NCAM2: variants seen among roughly 807,000 people sequenced by gnomAD.
The protein encoded by NCAM2 is N-CAM-2.
In NCAM2, 30 loss-of-function variants were observed where a neutral mutation model predicts 98.1. The observed-to-expected ratio is 0.31, with a 90% CI of 0.23 to 0.41. The LOEUF is 0.41. Among genes scored for constraint, NCAM2 ranks in the 10% least tolerant of loss-of-function variants. NCAM2 has a pLI of 1.00. For synonymous variants in NCAM2, 368 were observed against 342.4 expected (o/e 1.07, Z -0.83); for missense variants, 867 against 1,005.8 (o/e 0.86, Z 1.87).
chr21:21,190,558 A>G (rs1453337274), intron 1 of NCAM2, among the ~76,000 whole-genome samples: 1 of 152,178 alleles, frequency 6.6e-6, no homozygotes, highest in Non-Finnish European at 1.5e-5. Context: ...CTAACAATAC[A>G]CTTGGAAGGA....
chr21:21,411,069 T>TATAC (rs1279301831), intron 10 of NCAM2, among the ~76,000 whole-genome samples: 1,911 of 32,788 alleles, frequency 0.058, 315 homozygotes, highest in East Asian at 0.27. Context: ...TATATATATA[T>TATAC]ACACACACAT....
intron 1 of NCAM2, among the ~76,000 whole-genome samples, chr21:21,190,123 G>C (rs1250642585): frequency 6.6e-6 from 1 of 152,130 alleles, no homozygotes; most frequent in African/African-American, 2.4e-5. Flanking sequence ...GGGAAGAAGG[G>C]ACTTGATTTA....
chr21:21,058,123 A>G (rs1295171709), intron 1 of NCAM2, among the ~76,000 whole-genome samples: 2 of 137,470 alleles, frequency 1.5e-5, no homozygotes, highest in Non-Finnish European at 3.1e-5. Context: ...AGAATGTGCC[A>G]AAGTGGGCCC....
At chr21:21,380,971 C>T (rs948210814) in intron 9 of NCAM2, among the ~76,000 whole-genome samples, 1 of 152,140 alleles carries the variant, frequency 6.6e-6, no homozygotes, top group Non-Finnish European at 1.5e-5. Flanking sequence ...TACGCTAGCC[C>T]TCTTATGCTT....
intron 12 of NCAM2, among the ~76,000 whole-genome samples, chr21:21,461,073 A>G (rs541604950): frequency 1.5e-4 from 23 of 152,030 alleles, no homozygotes; most frequent in African/African-American, 5.1e-4. Context: ...TGAATATTTT[A>G]TAAAAATCTA....
intron 1 of NCAM2, among the ~76,000 whole-genome samples, chr21:21,209,207 T>C (rs1022507929): frequency 2.6e-5 from 4 of 151,966 alleles, no homozygotes; most frequent in Admixed American, 6.6e-5. Flanking sequence ...GATAATGGGT[T>C]TAGCTTGGGT....
At chr21:21,393,596 G>A (rs994769703) in intron 9 of NCAM2, among the ~76,000 whole-genome samples, 5 of 151,902 alleles carry the variant, frequency 3.3e-5, no homozygotes, top group African/African-American at 9.7e-5. Context: ...TTGGATATAT[G>A]CAGGTTTGTT....
rs927420070 is a variant in NCAM2, at chr21:21,081,001, G to A, written c.55+82383G>A. Reference sequence around the variant, plus strand: ...AGGCGACTTGAGAGATCAAGTGCACGGTTTGACCTTTTGACTTGGAGTTTT... The same window carrying A: ...AGGCGACTTGAGAGATCAAGTGCACAGTTTGACCTTTTGACTTGGAGTTTT... On this transcript the variant is annotated intron_variant, in intron 1 of 17. Coordinates refer to ENST00000400546, the MANE Select transcript of NCAM2 (RefSeq NM_004540.5). Among the ~76,000 whole-genome samples, 7 of 152,186 alleles carry A rather than the reference G, an allele frequency of 4.6e-5. No homozygotes were observed. In the South Asian group the frequency reaches 6.2e-4, roughly 14 times the overall value.
At chr21:21,305,601 T>A (rs961865971) in intron 5 of NCAM2, among the ~76,000 whole-genome samples, 6 of 172 alleles carry the variant, frequency 0.035, no homozygotes, top group African/African-American at 0.048. Context: ...ATTACTGAGT[T>A]TTTTTTATCA....
intron 6 of NCAM2, 94 bp downstream of exon 6, chr21:21,324,594 C>A: frequency 2.2e-6 from 2 of 910,864 alleles, no homozygotes; most frequent in Non-Finnish European, 1.7e-6. Context: ...AAAAGCAAAC[C>A]ATTGCATTTT....
chr21:21,182,199 T>C (rs560942813), intron 1 of NCAM2, among the ~76,000 whole-genome samples: 2 of 152,254 alleles, frequency 1.3e-5, no homozygotes, highest in South Asian at 4.1e-4. Flanking sequence ...AACAAATATA[T>C]TTTAACTGGT....
chr21:21,080,424 C>G (rs2065768641), intron 1 of NCAM2, among the ~76,000 whole-genome samples: 1 of 151,882 alleles, frequency 6.6e-6, no homozygotes, highest in African/African-American at 2.4e-5. Context: ...CAGGACCAGC[C>G]TGACCAACAT....
At position 21,509,609 on chromosome 21, in the gene NCAM2, T is replaced by C. The variant is rs186881833; in HGVS notation, c.2282+554T>C. Reference sequence around the variant, plus strand: ...AATTTGATCAAAAGTTGATTACTTGTTAGAATTTGGAGCTCTCTGTGTAGT... The same window carrying C: ...AATTTGATCAAAAGTTGATTACTTGCTAGAATTTGGAGCTCTCTGTGTAGT... On this transcript the variant is annotated intron_variant, in intron 16 of 17. Coordinates refer to ENST00000400546, the MANE Select transcript of NCAM2 (RefSeq NM_004540.5). Among the ~76,000 whole-genome samples the C allele has an allele frequency of 1.1e-3, 167 of 152,272 alleles. 4 individuals carry two copies. Among genetic ancestry groups the C allele is most frequent in the Non-Finnish European group, 1.3e-4 (9 of 67,998 alleles).
intron 5 of NCAM2, among the ~76,000 whole-genome samples, chr21:21,313,994 T>A (rs1251824202): frequency 6.6e-6 from 1 of 152,096 alleles, no homozygotes; most frequent in Non-Finnish European, 1.5e-5. Context: ...TTCCTGTGTA[T>A]TATACCTCCA....
intron 1 of NCAM2, among the ~76,000 whole-genome samples, chr21:21,159,964 A>G (rs1010003133): frequency 6.6e-6 from 1 of 152,080 alleles, no homozygotes; most frequent in African/African-American, 2.4e-5. Context: ...CCCCTAAACT[A>G]TAGAAATTTG....
chr21:21,162,304 A>T (rs985049280), intron 1 of NCAM2, among the ~76,000 whole-genome samples: 6 of 151,868 alleles, frequency 4.0e-5, no homozygotes, highest in Non-Finnish European at 8.8e-5. Flanking sequence ...TATAGAATGA[A>T]TGACAACTCT....
At chr21:21,011,024 G>A (rs1472172282) in intron 1 of NCAM2, among the ~76,000 whole-genome samples, 1 of 151,958 alleles carries the variant, frequency 6.6e-6, no homozygotes, top group Non-Finnish European at 1.5e-5. Context: ...TGCATACAGG[G>A]GAGAAAAAGA....
intron 15 of NCAM2, among the ~76,000 whole-genome samples, chr21:21,495,846 G>T (rs1987189364): frequency 6.6e-6 from 1 of 151,538 alleles, no homozygotes; most frequent in Admixed American, 6.6e-5. Flanking sequence ...TTGACCATTG[G>T]TCACTAATTT....
intron 1 of NCAM2, among the ~76,000 whole-genome samples, chr21:21,167,704 G>A (rs769160540): frequency 1.9e-4 from 29 of 152,056 alleles, no homozygotes; most frequent in Non-Finnish European, 2.6e-4. Context: ...ATCTGCTTAC[G>A]AATTTTATAA....
Sources: gnomAD v4.1 joint callset for allele counts (sites outside exome capture counted in the v4.1 genomes callset) on GRCh38, gnomAD v4.1.1 for gene constraint, MANE v1.5 for transcripts, NCBI Gene and HGNC (gene_info 2026-07-23, HGNC 2026-07-21) for gene names.